Variants in SPAG1 observed in about 807,000 individuals in gnomAD.
SPAG1 encodes sperm associated antigen 1, also known as sperm-associated antigen 1.
A neutral mutation model predicts 100.5 loss-of-function variants in SPAG1; 69 were observed. The observed-to-expected ratio is 0.69, with a 90% confidence interval of 0.57 to 0.84. The LOEUF (loss-of-function observed/expected upper bound fraction) is 0.84, where lower values mean the gene tolerates loss of function less well. SPAG1 is among the 40% of genes least tolerant of loss of function. SPAG1 has a pLI of 0.00. For missense variants in SPAG1, 955 were observed against 1,133.1 expected (o/e 0.84, Z 2.26); for synonymous variants, 336 against 411.6 (o/e 0.82, Z 2.22).
chr8:100,218,742 G>T (rs1189271102), intron 12 of SPAG1, among the ~76,000 whole-genome samples: 1 of 152,216 alleles, frequency 6.6e-6, no homozygotes, highest in African/African-American at 2.4e-5. Flanking sequence ...AAGTGAAGCA[G>T]ATTAGGTTTA....
In SPAG1 at chr8:100,239,299, T is replaced by A; in HGVS notation, c.2175T>A (p.Ile725=). The A allele has an allele frequency of 6.4e-7, 1 of 1,554,262 alleles. No individual in the cohort carries two copies. The highest frequency in any genetic ancestry group is 8.7e-7 in the Non-Finnish European group (1 of 1,152,342). ...NKVILLDPSI[I]EAKMELEEVT... is the part of the protein sequence containing the mutation. Reference sequence around the variant, plus strand: ...TTATCCTACTAGATCCAAGTATTATTGAGGCAAAGATGGAACTGGAAGAGG... The same window carrying A: ...TTATCCTACTAGATCCAAGTATTATAGAGGCAAAGATGGAACTGGAAGAGG... Residue 725 remains isoleucine (I), a synonymous_variant, in exon 17 of 19, where the codon ATT becomes ATA. Coordinates refer to ENST00000388798, the MANE Select transcript of SPAG1 (RefSeq NM_003114.5). This position sits in a 1 kb window ranked among gnomAD's most constrained non-coding sequence, Gnocchi z 5.0.
In SPAG1 at chr8:100,187,195, T is replaced by G. The variant is rs745674072; in HGVS notation, c.777T>G (p.Asn259Lys). 1 of 1,613,224 alleles carries G rather than the reference T, an allele frequency of 6.2e-7. No individual in the cohort carries two copies. The change falls in exon 8 of 19, where the codon AAT becomes AAG. Residue 259 changes from asparagine (N) to lysine (K), a missense_variant. Physicochemically the swap from Asn to Lys is moderately conservative, Grantham distance 94. Transcript: ENST00000388798. ...CAGAAATCAAATTACAGAACTGGAA[T>G]AGTGCTTTTCAGGATTGTGAAAAGG... is the stretch of plus-strand genomic sequence containing the variant. ...AQAEIKLQNW[N>K]SAFQDCEKVL...
In SPAG1 at chr8:100,194,512, TA is replaced by T. The variant is rs1202413294; in HGVS notation, c.1096+247del. Reference sequence around the variant, plus strand: ...CAGTTTAATTCCTGGTCATCACCTTTAAATGTAAATGGCTGTGTTTATTTGA... The same window carrying T: ...CAGTTTAATTCCTGGTCATCACCTTTAATGTAAATGGCTGTGTTTATTTGA... On this transcript the variant is annotated intron_variant, in intron 10 of 18. Transcript: ENST00000388798. 32 of 586,092 alleles carry T rather than the reference TA, an allele frequency of 5.5e-5. No homozygotes were observed. The Admixed American group carries it at 5.7e-4, about 10-fold the overall frequency. 36.3% of individuals were successfully genotyped at this position (586,092 alleles called of 1,614,324 possible).
chr8:100,229,033 A>T (rs1818643229), intron 14 of SPAG1, among the ~76,000 whole-genome samples: 1 of 152,176 alleles, frequency 6.6e-6, no homozygotes, highest in South Asian at 2.1e-4. Context: ...AAACAATAGA[A>T]CTGTAGCAGT....
intron 10 of SPAG1, among the ~76,000 whole-genome samples, chr8:100,201,967 C>T (rs1338845107): frequency 1.3e-5 from 2 of 152,144 alleles, no homozygotes; most frequent in Non-Finnish European, 2.9e-5. Context: ...GAGTAGGGGT[C>T]ATGGGAACCC....
At chr8:100,232,315 C>A (rs1818811313) in intron 15 of SPAG1, among the ~76,000 whole-genome samples, 1 of 152,116 alleles carries the variant, frequency 6.6e-6, no homozygotes, top group Admixed American at 6.5e-5. Context: ...GTAGGCTTTT[C>A]TTTCCCTAGA....
intron 10 of SPAG1, among the ~76,000 whole-genome samples, chr8:100,206,163 T>C (rs1817509226): frequency 6.6e-6 from 1 of 151,792 alleles, no homozygotes; most frequent in African/African-American, 2.4e-5. Context: ...TATTGTAAGC[T>C]TAACCAAGTG....
intron 14 of SPAG1, among the ~76,000 whole-genome samples, chr8:100,230,090 T>TA (rs1818698307): frequency 6.6e-6 from 1 of 152,228 alleles, no homozygotes; most frequent in South Asian, 2.1e-4. Context: ...ATTGGATTAC[T>TA]ATGGCCATAG....
chr8:100,227,841 A>ATTTTTTTTT (rs34049816), intron 14 of SPAG1, among the ~76,000 whole-genome samples: 2 of 103,796 alleles, frequency 1.9e-5, no homozygotes, highest in Admixed American at 1.2e-4. Flanking sequence ...ATTGTGTCAG[A>ATTTTTTTTT]TTTTTTTTTT....
At chr8:100,217,985 G>T (rs765082803) in intron 12 of SPAG1, among the ~76,000 whole-genome samples, 3 of 151,958 alleles carry the variant, frequency 2.0e-5, no homozygotes, top group Non-Finnish European at 4.4e-5. Context: ...ACAGGGTTTT[G>T]CCATGTTGGC....
chr8:100,201,962 G>A lies in SPAG1; in HGVS notation c.1096+7694G>A, dbSNP rs540725595. Among the ~76,000 whole-genome samples the A allele has an allele frequency of 3.3e-5, 5 of 152,224 alleles. No homozygotes were observed. The East Asian group carries it at 9.7e-4, about 29-fold the overall frequency. ...GCAAATTAATTGAACTCAAAGAGTAGGGGTCATGGGAACCCTAACTTGAAA... is the reference window on the plus strand; with the variant it reads ...GCAAATTAATTGAACTCAAAGAGTAAGGGTCATGGGAACCCTAACTTGAAA... On this transcript the variant is annotated intron_variant, in intron 10 of 18. Coordinates refer to ENST00000388798, the MANE Select transcript of SPAG1 (RefSeq NM_003114.5).
In SPAG1 at chr8:100,213,852, A is replaced by G. The variant is rs754253649; in HGVS notation, c.1469A>G (p.Tyr490Cys). ...ATTGCAGATGATCTAAGTATCTTATATTCAAATAGAGCAGCATGTTACCTA... is the reference window on the plus strand; with the variant it reads ...ATTGCAGATGATCTAAGTATCTTATGTTCAAATAGAGCAGCATGTTACCTA... ...SEIADDLSIL[Y>C]SNRAACYLKE... The change falls in exon 12 of 19, where the codon TAT (tyrosine) becomes TGT (cysteine). Residue 490 changes from tyrosine (Y) to cysteine (C), a missense_variant. Coordinates refer to ENST00000388798, the MANE Select transcript of SPAG1 (RefSeq NM_003114.5). 1.9e-6 allele frequency: 3 copies of G among 1,604,052 alleles called. No individual in the cohort carries two copies. The highest frequency in any genetic ancestry group is 1.7e-6 in the Non-Finnish European group (2 of 1,172,252).
intron 10 of SPAG1, among the ~76,000 whole-genome samples, chr8:100,204,743 T>C (rs541678049): frequency 3.6e-4 from 55 of 152,264 alleles, no homozygotes; most frequent in African/African-American, 6.5e-4. Context: ...CCTTGTAAAA[T>C]AGATTTGTGA....
intron 14 of SPAG1, among the ~76,000 whole-genome samples, chr8:100,227,192 G>A (rs1024401781): frequency 1.3e-5 from 2 of 152,220 alleles, no homozygotes; most frequent in Non-Finnish European, 2.9e-5. Flanking sequence ...TGTAATGCAG[G>A]TGCTTCCTTC....
At chr8:100,193,935 G>T (rs1473655799) in intron 9 of SPAG1, among the ~76,000 whole-genome samples, 177 bp from the exon 10 acceptor site, 1 of 151,650 alleles carries the variant, frequency 6.6e-6, no homozygotes, top group African/African-American at 2.4e-5. Flanking sequence ...ACCGCTTTTT[G>T]TGTGTGTGTG....
chr8:100,240,423 GCCTGGAAGA>G lies in SPAG1; in HGVS notation c.2306_2314del (p.Gly769_Pro771del), dbSNP rs1291166489. On this transcript the variant is annotated inframe_deletion, in exon 18 of 19. Coordinates refer to ENST00000388798, the MANE Select transcript of SPAG1 (RefSeq NM_003114.5). ...TGAAGGTGAATGAAGGCAAGGAGGA[GCCTGGAAGA>G]CCTGCAGGGGAGGTCTCCATGGGAT... The G allele has an allele frequency of 1.2e-6, 2 of 1,600,316 alleles. No individual in the cohort carries two copies. The highest frequency in any genetic ancestry group is 1.7e-6 in the Non-Finnish European group (2 of 1,176,048).
chr8:100,228,921 T>C (rs1818638694), intron 14 of SPAG1, among the ~76,000 whole-genome samples: 1 of 152,182 alleles, frequency 6.6e-6, no homozygotes, highest in Non-Finnish European at 1.5e-5. Context: ...ACAGAAAATC[T>C]GTTGACTTAA....
intron 15 of SPAG1, 62 bp downstream of exon 15, chr8:100,231,350 T>G: frequency 8.6e-7 from 1 of 1,166,164 alleles, no homozygotes; most frequent in Non-Finnish European, 1.2e-6. Context: ...AAAAATATTT[T>G]AAGTTATTTT....
intron 13 of SPAG1, among the ~76,000 whole-genome samples, chr8:100,221,317 TA>T (rs1818269489): frequency 6.6e-6 from 1 of 152,176 alleles, no homozygotes. Flanking sequence ...GGATGAATAG[TA>T]ATTTATAATG....
Sources: gnomAD v4.1 joint callset for allele counts (sites outside exome capture counted in the v4.1 genomes callset) on GRCh38, gnomAD v4.1.1 for gene constraint, Gnocchi (gnomAD v3.1) non-coding constraint, MANE v1.5 for transcripts, NCBI Gene and HGNC (gene_info 2026-07-23, HGNC 2026-07-21) for gene names.